The following LARS2 variants were observed in gnomAD, a reference collection of about 807,000 sequenced individuals.
LARS2 encodes the protein leucyl-tRNA synthetase 2, mitochondrial.
In LARS2, 81 loss-of-function variants were observed where a neutral mutation model predicts 116.6. That is an observed-to-expected ratio of 0.69 (90% confidence interval 0.58 to 0.84). LARS2 has a LOEUF of 0.84. LARS2 is among the 40% of genes least tolerant of loss of function. The pLI, the probability that LARS2 is intolerant of heterozygous loss-of-function variation, is 0.00. For synonymous variants in LARS2, 396 were observed against 407.2 expected, an observed-to-expected ratio of 0.97 and a Z score of 0.33; for missense variants, 968 against 1,114.5, an observed-to-expected ratio of 0.87 and a Z score of 1.87.
At chr3:45,429,049 T>C (rs527970353) in intron 6 of LARS2, among the ~76,000 whole-genome samples, 1 of 151,888 alleles carries the variant, frequency 6.6e-6, no homozygotes, top group Middle Eastern at 3.4e-3. Flanking sequence ...TAATCCAGTT[T>C]ATATGGGAAT....
chr3:45,458,464 G>A lies in LARS2; in HGVS notation c.607-279G>A, dbSNP rs552941602. Among the ~76,000 whole-genome samples the A allele has an allele frequency of 3.3e-5, 5 of 152,222 alleles. No individual in the cohort carries two copies. The South Asian group carries it at 1.0e-3, about 32-fold the overall frequency. On this transcript the variant is annotated intron_variant, in intron 7 of 21. Coordinates refer to ENST00000645846, the MANE Select transcript of LARS2 (RefSeq NM_015340.4). The stretch of plus-strand genomic sequence containing the variant: ...TCCCAGCACTTTGGGAGGCCAAAAC[G>A]GGTGGATCACGAGGTCAGGCATTTG...
At chr3:45,436,755 C>G (rs1300809632) in intron 6 of LARS2, among the ~76,000 whole-genome samples, 1 of 145,848 alleles carries the variant, frequency 6.9e-6, no homozygotes, top group Admixed American at 7.1e-5. Context: ...GATTGCGCCA[C>G]TGCAGTCCGC....
chr3:45,488,671 G>A (rs1699858300), intron 11 of LARS2, 26 bp from the exon 12 acceptor site: 1 of 1,428,744 alleles, frequency 7.0e-7, no homozygotes, highest in Middle Eastern at 1.7e-4. Flanking sequence ...TGAAGGAAAT[G>A]TTTTCTTTTC....
chr3:45,482,406 CATTTTTCT>C (rs1301095116), intron 10 of LARS2, among the ~76,000 whole-genome samples: 1 of 152,076 alleles, frequency 6.6e-6, no homozygotes, highest in African/African-American at 2.4e-5. Context: ...AGGTTACAAA[CATTTTTCT>C]ATTTTTCTAT....
At chr3:45,522,410 T>A (rs1024861481) in intron 19 of LARS2, among the ~76,000 whole-genome samples, 1 of 152,176 alleles carries the variant, frequency 6.6e-6, no homozygotes, top group African/African-American at 2.4e-5. Flanking sequence ...TATCAGAAAC[T>A]GTTTATGATA....
intron 20 of LARS2, among the ~76,000 whole-genome samples, chr3:45,538,678 T>C (rs1326701602): frequency 6.6e-6 from 1 of 152,254 alleles, no homozygotes; most frequent in Non-Finnish European, 1.5e-5. Context: ...TCCCTCAGGC[T>C]GACTGGCAAC....
chr3:45,479,094 G>T (rs1699658802), intron 10 of LARS2, among the ~76,000 whole-genome samples: 1 of 152,076 alleles, frequency 6.6e-6, no homozygotes, highest in South Asian at 2.1e-4. Flanking sequence ...ACTTGCAGGA[G>T]TTTCAATTCT....
chr3:45,514,994 T>C (rs530786593), intron 16 of LARS2, among the ~76,000 whole-genome samples: 1 of 152,320 alleles, frequency 6.6e-6, no homozygotes, highest in African/African-American at 2.4e-5. Flanking sequence ...TTCTGTCTCC[T>C]TCATGGATGT....
intron 21 of LARS2, 23 bp from the exon 22 acceptor site, chr3:45,547,328 A>T (rs770299078): frequency 6.3e-7 from 1 of 1,586,442 alleles, no homozygotes. Context: ...CTCATTGTTT[A>T]TCTTGGCTTT....
At chr3:45,403,519 T>G (rs854181) in intron 4 of LARS2, among the ~76,000 whole-genome samples, 15,860 of 152,142 alleles carry the variant, frequency 0.1, 2,701 homozygotes, top group African/African-American at 0.36. Context: ...TTTCACCATG[T>G]TGGTCAGGCT....
intron 20 of LARS2, among the ~76,000 whole-genome samples, chr3:45,531,571 A>T (rs1347949289): frequency 1.3e-5 from 2 of 150,468 alleles, no homozygotes; most frequent in Admixed American, 6.6e-5. Context: ...TTTTATAGAG[A>T]TGGTGTCTCA....
chr3:45,438,790 G>A (rs1206192930), intron 6 of LARS2, among the ~76,000 whole-genome samples: 4 of 151,894 alleles, frequency 2.6e-5, no homozygotes, highest in African/African-American at 9.7e-5. Context: ...AGCTGAGATC[G>A]CGCCACTGCA....
At chr3:45,503,309 C>T (rs971794316) in intron 15 of LARS2, among the ~76,000 whole-genome samples, 1 of 152,060 alleles carries the variant, frequency 6.6e-6, no homozygotes, top group African/African-American at 2.4e-5. Flanking sequence ...GGCAAGTTTC[C>T]TTGTTTGTCT....
rs1343746674 is a variant in LARS2 at position 45,510,314 on chromosome 3, T to C, written c.1761-2821T>C. On this transcript the variant is annotated intron_variant, in intron 15 of 21. Transcript: ENST00000645846. ...CTGTGGTCCCAGCTGCTTGCAGGGG[T>C]AAGGTGGGAATATCACTTGAGCCCA... is the stretch of plus-strand genomic sequence containing the variant. 2.0e-5 allele frequency among the ~76,000 whole-genome samples: 3 copies of C among 151,838 alleles called. No homozygotes were observed. The East Asian group carries it at 5.8e-4, about 29-fold the overall frequency.
At chr3:45,437,777 C>G (rs1266797145) in intron 6 of LARS2, among the ~76,000 whole-genome samples, 1 of 152,186 alleles carries the variant, frequency 6.6e-6, no homozygotes, top group Non-Finnish European at 1.5e-5. Flanking sequence ...GTGACTTACT[C>G]ATTCAACATT....
chr3:45,414,671 G>A (rs1407973227), intron 4 of LARS2, among the ~76,000 whole-genome samples: 1 of 151,910 alleles, frequency 6.6e-6, no homozygotes, highest in Non-Finnish European at 1.5e-5. Context: ...CGAGATTACG[G>A]TGAACTGATC....
chr3:45,541,890 C>T lies in LARS2; in HGVS notation c.2466C>T (p.Leu822=), dbSNP rs1384644086. 2 of 1,614,132 alleles carry T rather than the reference C, an allele frequency of 1.2e-6. No individual in the cohort carries two copies. Among genetic ancestry groups the T allele is most frequent in the African/African-American group, 1.3e-5 (1 of 74,950 alleles). ...AHYTWDASVL[L]QAWPAVDPEF... ...ACACTTGGGATGCCAGTGTGCTGCT[C>T]CAGGCATGGCCTGCTGTGGACCCGG... Residue 822 remains leucine, a synonymous_variant, in exon 21 of 22, where the codon CTC becomes CTT. Transcript: ENST00000645846.
chr3:45,438,927 A>G (rs954449110), intron 6 of LARS2, among the ~76,000 whole-genome samples: 1 of 152,146 alleles, frequency 6.6e-6, no homozygotes, highest in Non-Finnish European at 1.5e-5. Context: ...GTGTCCTATC[A>G]TTTGTAAATT....
At chr3:45,513,069 G>A (rs370613021) in intron 15 of LARS2, 66 bp from the exon 16 acceptor site, 7 of 1,089,246 alleles carry the variant, frequency 6.4e-6, no homozygotes, top group East Asian at 2.4e-5. Context: ...GAAGGTCTGC[G>A]TTGCTGTTTT....
Sources: allele counts gnomAD v4.1 joint callset (sites outside exome capture counted in the v4.1 genomes callset), GRCh38; gene constraint gnomAD v4.1.1; transcripts MANE v1.5; gene names NCBI Gene and HGNC (gene_info 2026-07-23, HGNC 2026-07-21).